CNBD1: variants seen among roughly 807,000 people sequenced by gnomAD.
The protein encoded by CNBD1 is cyclic nucleotide binding domain containing 1, also known as cyclic nucleotide-binding domain-containing protein 1.
A neutral mutation model predicts 54.4 loss-of-function variants in CNBD1; 71 were observed. That is an observed-to-expected ratio of 1.30 (90% confidence interval 1.08 to 1.59). The LOEUF is 1.59. CNBD1 is among the 40% of genes most tolerant of loss of function. The pLI, the probability that CNBD1 is intolerant of heterozygous loss-of-function variation, is 0.00. For missense variants in CNBD1, 659 were observed against 518.0 expected, an observed-to-expected ratio of 1.27 and a Z score of -2.64; for synonymous variants, 182 against 170.7, an observed-to-expected ratio of 1.07 and a Z score of -0.51.
intron 4 of CNBD1, among the ~76,000 whole-genome samples, chr8:87,078,510 C>T (rs957113055): frequency 6.6e-6 from 1 of 152,164 alleles, no homozygotes; most frequent in African/African-American, 2.4e-5. Flanking sequence ...TTAATGTCTC[C>T]TCTACAAAAA....
intron 2 of CNBD1, among the ~76,000 whole-genome samples, chr8:86,901,473 A>G (rs1808931820): frequency 6.6e-6 from 1 of 152,224 alleles, no homozygotes. Context: ...AAAGCTTATT[A>G]TGTTTTCAGA....
chr8:87,382,599 T>C (rs1811102637), intron 10 of CNBD1, 21 bp from the exon 11 acceptor site: 1 of 1,535,614 alleles, frequency 6.5e-7, no homozygotes, highest in African/African-American at 1.4e-5. Context: ...AACTTCTTGT[T>C]TGTTTGTTTG....
At chr8:87,312,873 G>A (rs927984196) in intron 8 of CNBD1, among the ~76,000 whole-genome samples, 15 of 151,962 alleles carry the variant, frequency 9.9e-5, no homozygotes, top group Non-Finnish European at 1.6e-4. Flanking sequence ...AAACTTCACA[G>A]GAGTTTTTAG....
chr8:87,027,752 C>G (rs1242312237), intron 4 of CNBD1, among the ~76,000 whole-genome samples: 1 of 152,224 alleles, frequency 6.6e-6, no homozygotes, highest in East Asian at 1.9e-4. Flanking sequence ...CAGCAATCTC[C>G]AGATTCCAAA....
downstream of CNBD1, among the ~76,000 whole-genome samples, chr8:87,387,408 A>G (rs1811211637): frequency 6.6e-6 from 1 of 152,138 alleles, no homozygotes; most frequent in Non-Finnish European, 1.5e-5. Flanking sequence ...AGGATGGAGG[A>G]AGATCTACCA....
intron 4 of CNBD1, among the ~76,000 whole-genome samples, chr8:87,043,907 A>G (rs1232346056): frequency 1.3e-5 from 2 of 152,178 alleles, no homozygotes; most frequent in African/African-American, 2.4e-5. Flanking sequence ...ACTGTCAGAA[A>G]GAAGTTGGTT....
intron 4 of CNBD1, among the ~76,000 whole-genome samples, chr8:86,991,308 G>C (rs1808741584): frequency 1.3e-5 from 2 of 152,020 alleles, no homozygotes; most frequent in Non-Finnish European, 2.9e-5. Flanking sequence ...GATACCAGCT[G>C]TGTGTCTGTC....
At chr8:87,032,770 A>T (rs975305277) in intron 4 of CNBD1, among the ~76,000 whole-genome samples, 1 of 152,234 alleles carries the variant, frequency 6.6e-6, no homozygotes, top group Non-Finnish European at 1.5e-5. Flanking sequence ...ATAAAAGAGT[A>T]AAAATCAGTC....
intron 4 of CNBD1, among the ~76,000 whole-genome samples, chr8:87,069,107 G>A (rs1810711257): frequency 6.6e-6 from 1 of 151,988 alleles, no homozygotes; most frequent in Admixed American, 6.6e-5. Context: ...CCATTTTTAG[G>A]ATGAATAAAC....
At position 87,138,100 on chromosome 8, in the gene CNBD1, G is replaced by C. The variant is rs377657039; in HGVS notation, c.432-67893G>C. Among the ~76,000 whole-genome samples the C allele has an allele frequency of 6.6e-4, 101 of 152,232 alleles. 2 individuals carry two copies. The Middle Eastern group carries it at 0.027, about 41-fold the overall frequency. On this transcript the variant is annotated intron_variant, in intron 4 of 10. Transcript: ENST00000518476. ...GTTACCAGATAGGTTAGTTGACCCA[G>C]AGAATGAGGAAAGGCACAAAAGTCC...
intron 3 of CNBD1, among the ~76,000 whole-genome samples, chr8:86,927,621 G>A (rs1051037319): frequency 1.3e-5 from 2 of 152,114 alleles, no homozygotes; most frequent in African/African-American, 4.8e-5. Flanking sequence ...CATGGTTGAT[G>A]TGATTAGGAT....
At chr8:87,377,380 C>A (rs1157242325) in intron 10 of CNBD1, among the ~76,000 whole-genome samples, 1 of 150,734 alleles carries the variant, frequency 6.6e-6, no homozygotes, top group Non-Finnish European at 1.5e-5. Context: ...TCAATTCCCA[C>A]CTATGAGTGA....
chr8:87,327,181 G>C (rs1490825918), intron 8 of CNBD1, among the ~76,000 whole-genome samples: 6 of 141,036 alleles, frequency 4.3e-5, no homozygotes, highest in African/African-American at 1.1e-4. Context: ...CCAGCTGCGT[G>C]CTGGGAGAAC....
rs191071829 is a variant in CNBD1, at chr8:86,964,925, G to T, written c.431+25171G>T. 7.6e-4 allele frequency among the ~76,000 whole-genome samples: 115 copies of T among 152,290 alleles called. 1 individual carries two copies. The highest frequency in any genetic ancestry group is 5.2e-3 in the Admixed American group (79 of 15,296). On this transcript the variant is annotated intron_variant, in intron 4 of 10. Coordinates refer to ENST00000518476, the MANE Select transcript of CNBD1 (RefSeq NM_173538.3). ...TCCAAGGTCCCTTCACATAAGGGAC[G>T]TTGGACTATTTGCCCTCGTGTTTAT...
intron 4 of CNBD1, among the ~76,000 whole-genome samples, chr8:87,119,080 C>G (rs188983517): frequency 2.6e-5 from 4 of 151,900 alleles, no homozygotes; most frequent in Non-Finnish European, 4.4e-5. Context: ...AGAACACAGG[C>G]CTTTTTTGGT....
intron 6 of CNBD1, among the ~76,000 whole-genome samples, chr8:87,246,389 A>G (rs1807805113): frequency 1.3e-5 from 2 of 152,308 alleles, no homozygotes; most frequent in South Asian, 2.1e-4. Context: ...AGCTTTGAGT[A>G]TAGTCTGCAA....
chr8:87,402,763 G>T (rs1807587818), intron 2 of CNBD1, among the ~76,000 whole-genome samples: 1 of 152,022 alleles, frequency 6.6e-6, no homozygotes, highest in Non-Finnish European at 1.5e-5. Flanking sequence ...GAAGTGAAAT[G>T]GAAAGACTGG....
chr8:86,917,869 C>G (rs1242418965), intron 3 of CNBD1, among the ~76,000 whole-genome samples: 3 of 152,064 alleles, frequency 2.0e-5, no homozygotes, highest in African/African-American at 7.2e-5. Context: ...CTTTATTTAC[C>G]TGACAGAAAC....
chr8:87,280,376 T>C (rs1442993537), intron 6 of CNBD1, among the ~76,000 whole-genome samples: 4 of 151,546 alleles, frequency 2.6e-5, no homozygotes, highest in African/African-American at 4.8e-5. Flanking sequence ...TAGAAACTCA[T>C]TCAAGAAAAA....
Sources: allele counts gnomAD v4.1 joint callset (sites outside exome capture counted in the v4.1 genomes callset), GRCh38; gene constraint gnomAD v4.1.1; transcripts MANE v1.5; gene names NCBI Gene and HGNC (gene_info 2026-07-23, HGNC 2026-07-21).